The following MECOM variants were observed in gnomAD, a reference collection of about 807,000 sequenced individuals.
MECOM encodes MDS1 and EVI1 complex locus, also known as histone-lysine N-methyltransferase MECOM.
A neutral mutation model predicts 116.3 loss-of-function variants in MECOM; 13 were observed. That is an observed-to-expected ratio of 0.11 (90% CI 0.07 to 0.18). The LOEUF is 0.18. MECOM is among the 10% of genes least tolerant of loss of function. MECOM has a pLI of 1.00. For synonymous variants in MECOM, 528 were observed against 535.2 expected (o/e 0.99, Z 0.19); for missense variants, 1,299 against 1,509.0 (o/e 0.86, Z 2.31).
At chr3:169,472,512 GGAAAGGAAAGAAA>G (rs1446714656) in intron 1 of MECOM, among the ~76,000 whole-genome samples, 15 of 90,908 alleles carry the variant, frequency 1.7e-4, no homozygotes, top group Non-Finnish European at 2.8e-4. Flanking sequence ...GGAAAGGAAA[GGAAAGGAAAGAAA>G]AGAAAAGAAA....
intron 2 of MECOM, among the ~76,000 whole-genome samples, chr3:169,148,447 A>T (rs1740531713): frequency 6.6e-6 from 1 of 152,244 alleles, no homozygotes; most frequent in African/African-American, 2.4e-5. Context: ...AGCAAAACAA[A>T]AGGGTCTACA....
At chr3:169,644,596 T>C (rs1273389716) in intron 1 of MECOM, among the ~76,000 whole-genome samples, 1 of 152,146 alleles carries the variant, frequency 6.6e-6, no homozygotes, top group Non-Finnish European at 1.5e-5. Context: ...ACACTGGCAG[T>C]ATAATTTTAA....
intron 1 of MECOM, among the ~76,000 whole-genome samples, chr3:169,392,252 C>T (rs1734331051): frequency 6.6e-6 from 1 of 152,124 alleles, no homozygotes; most frequent in South Asian, 2.1e-4. Flanking sequence ...ATACATTTGA[C>T]TTTCAAAATC....
intron 2 of MECOM, chr3:169,149,769 G>A: frequency 2.3e-6 from 1 of 440,134 alleles, no homozygotes; most frequent in Non-Finnish European, 4.6e-6. Flanking sequence ...GAAGAATGGA[G>A]AATTCATTGC....
intron 2 of MECOM, among the ~76,000 whole-genome samples, chr3:169,210,533 C>A (rs972402254): frequency 6.6e-6 from 1 of 152,066 alleles, no homozygotes; most frequent in African/African-American, 2.4e-5. Context: ...TCAACATAAT[C>A]AAGATCTTGC....
chr3:169,565,847 G>A, intron 1 of MECOM: 1 of 373,212 alleles, frequency 2.7e-6, no homozygotes, highest in South Asian at 2.0e-5. Context: ...GAGTCAGGGA[G>A]GTTTGGCAGC....
intron 14 of MECOM, among the ~76,000 whole-genome samples, chr3:169,091,421 C>T (rs913173501): frequency 6.6e-5 from 10 of 152,060 alleles, no homozygotes; most frequent in Non-Finnish European, 1.5e-4. Flanking sequence ...GATGTTGCAA[C>T]TATACAGGCT....
intron 1 of MECOM, among the ~76,000 whole-genome samples, chr3:169,599,015 A>G (rs554009107): frequency 4.4e-4 from 67 of 152,196 alleles, no homozygotes; most frequent in Non-Finnish European, 9.0e-4. Flanking sequence ...ACTACACTAA[A>G]TGCTTGCACT....
At chr3:169,429,288 G>A (rs184015414) in intron 1 of MECOM, among the ~76,000 whole-genome samples, 22 of 152,278 alleles carry the variant, frequency 1.4e-4, no homozygotes, top group Admixed American at 9.2e-4. Context: ...TAGGTGTTAC[G>A]TGTGTGGGTG....
At chr3:169,245,963 CTT>C (rs912318187) in intron 2 of MECOM, among the ~76,000 whole-genome samples, 1 of 151,758 alleles carries the variant, frequency 6.6e-6, no homozygotes, top group African/African-American at 2.4e-5. Context: ...TCTGCCAAGC[CTT>C]TTTTTTCCAA....
chr3:169,087,029 A>G (rs182409953), intron 16 of MECOM, among the ~76,000 whole-genome samples: 3 of 152,320 alleles, frequency 2.0e-5, no homozygotes, highest in East Asian at 3.9e-4. Context: ...GACCATTTTC[A>G]AACTAATCTA....
rs370156611 is a variant in MECOM, at chr3:169,619,285, G to T, written c.37+44051C>A. 5.8e-4 allele frequency among the ~76,000 whole-genome samples: 88 copies of T among 152,338 alleles called. 3 individuals are homozygous for T. The highest frequency in any genetic ancestry group is 2.1e-3 in the African/African-American group (87 of 41,578). ...GCTGAGAAGGCCGAGGAGAGAGCCA[G>T]GGGAGGGATTACTGCTCGGTGCTGC... On this transcript the variant is annotated intron_variant, in intron 1 of 16. Coordinates refer to ENST00000651503, the MANE Select transcript of MECOM (RefSeq NM_004991.4).
chr3:169,662,102 G>T (rs1478925972), intron 1 of MECOM, among the ~76,000 whole-genome samples: 1 of 152,246 alleles, frequency 6.6e-6, no homozygotes, highest in Non-Finnish European at 1.5e-5. Flanking sequence ...GTGTGGGAAA[G>T]TGTGGGCCCC....
chr3:169,201,165 C>T (rs1749101428), intron 2 of MECOM, among the ~76,000 whole-genome samples: 1 of 152,162 alleles, frequency 6.6e-6, no homozygotes, highest in Middle Eastern at 3.4e-3. Context: ...TTACTTAATG[C>T]ACTTTGCATT....
At chr3:169,096,496 C>G (rs1721533313) in intron 12 of MECOM, among the ~76,000 whole-genome samples, 1 of 152,036 alleles carries the variant, frequency 6.6e-6, no homozygotes, top group Non-Finnish European at 1.5e-5. Context: ...TCTCGAACTC[C>G]TGACCTCAAG....
chr3:169,299,612 G>T (rs1244722571), intron 2 of MECOM, among the ~76,000 whole-genome samples: 1 of 152,110 alleles, frequency 6.6e-6, no homozygotes, highest in Non-Finnish European at 1.5e-5. Flanking sequence ...CCCGGAATCT[G>T]ATCTACAGAG....
chr3:169,452,270 C>T (rs1390223641), intron 1 of MECOM, among the ~76,000 whole-genome samples: 1 of 151,992 alleles, frequency 6.6e-6, no homozygotes, highest in Non-Finnish European at 1.5e-5. Flanking sequence ...GCTTAGGAAA[C>T]ACACGCCTTT....
At chr3:169,506,321 C>T (rs1009094042) in intron 1 of MECOM, among the ~76,000 whole-genome samples, 2 of 152,074 alleles carry the variant, frequency 1.3e-5, no homozygotes, top group African/African-American at 4.8e-5. Flanking sequence ...TGAAGTCTTC[C>T]AATGTGAGTG....
At chr3:169,314,495 G>A (rs149377480) in intron 2 of MECOM, among the ~76,000 whole-genome samples, 1,721 of 152,336 alleles carry the variant, frequency 0.011, 26 homozygotes, top group African/African-American at 0.035. Flanking sequence ...TGTTTAATTA[G>A]TTAAAATAAC....
Sources: allele counts gnomAD v4.1 joint callset (sites outside exome capture counted in the v4.1 genomes callset), GRCh38; gene constraint gnomAD v4.1.1; transcripts MANE v1.5; gene names NCBI Gene and HGNC (gene_info 2026-07-23, HGNC 2026-07-21).